The following FANCB variants were observed in gnomAD, a reference collection of about 807,000 sequenced individuals.
The protein encoded by FANCB is Fanconi anemia group B protein.
In FANCB, 5 loss-of-function variants were observed where a neutral mutation model predicts 38.9. The observed-to-expected ratio is 0.13, with a 90% CI of 0.07 to 0.27. The LOEUF is 0.27. Ranked by LOEUF, FANCB falls within the 10% of genes least tolerant of loss-of-function variation. The pLI, the probability that FANCB is intolerant of heterozygous loss-of-function variation, is 1.00. For synonymous variants in FANCB, 236 were observed against 215.4 expected (o/e 1.10, Z -0.84); for missense variants, 573 against 602.7 (o/e 0.95, Z 0.52).
At chrX:14,782,821 G>A in the FANCB span, among the ~76,000 whole-genome samples, 7 of 111,721 alleles carry the variant, frequency 6.3e-5, no homozygotes, top group Admixed American at 9.5e-5. Context: ...TGATTAGTCG[G>A]GGGGTCTTCT....
At chrX:14,738,740 A>T in the FANCB span, among the ~76,000 whole-genome samples, 65 of 112,330 alleles carry the variant, frequency 5.8e-4, no homozygotes, top group African/African-American at 1.9e-3. Flanking sequence ...CCCTAAACCG[A>T]TGCTACAAAC....
the FANCB span, among the ~76,000 whole-genome samples, chrX:14,812,013 T>C: frequency 4.4e-4 from 49 of 111,702 alleles, no homozygotes; most frequent in African/African-American, 1.4e-3. Flanking sequence ...AAGAAACTCA[T>C]TCCAAACCGC....
the FANCB span, among the ~76,000 whole-genome samples, chrX:14,710,402 T>A: frequency 8.9e-6 from 1 of 111,984 alleles, no homozygotes; most frequent in African/African-American, 3.2e-5. Flanking sequence ...AAGACAGGCC[T>A]CTGTGAACAC....
At position 14,844,760 on chromosome X, in the gene FANCB, C is replaced by A. The variant is rs780575945; in HGVS notation, c.1928-20G>T. ...TGTGCTCTACAAAAAAAGTCACAAGCTCTATCATTAAACTCTGCCCATTAT... is the reference window on the plus strand; with the variant it reads ...TGTGCTCTACAAAAAAAGTCACAAGATCTATCATTAAACTCTGCCCATTAT... On this transcript the variant is annotated intron_variant, in intron 8 of 9. Coordinates refer to ENST00000650831, the MANE Select transcript of FANCB (RefSeq NM_001018113.3). 1 of 1,170,789 alleles carries A rather than the reference C, an allele frequency of 8.5e-7. No individual in the cohort carries two copies. The highest frequency in any genetic ancestry group is 3.0e-5 in the East Asian group (1 of 33,711).
chrX:14,770,230 G>A, the FANCB span, among the ~76,000 whole-genome samples: 86 of 111,958 alleles, frequency 7.7e-4, no homozygotes, highest in East Asian at 0.02. Flanking sequence ...GTCCAATATT[G>A]TCAGTGGGGT....
chrX:14,805,839 C>A, the FANCB span, among the ~76,000 whole-genome samples: 1 of 111,790 alleles, frequency 8.9e-6, no homozygotes, highest in Non-Finnish European at 1.9e-5. Flanking sequence ...TGCTCTAATC[C>A]CATTCACTGC....
the FANCB span, among the ~76,000 whole-genome samples, chrX:14,698,882 C>T: frequency 2.7e-5 from 3 of 110,376 alleles, no homozygotes; most frequent in Non-Finnish European, 5.7e-5. Flanking sequence ...ATTGAGAGAA[C>T]ACCTGAGATT....
the FANCB span, among the ~76,000 whole-genome samples, chrX:14,778,511 T>C: frequency 8.9e-5 from 10 of 111,937 alleles, no homozygotes; most frequent in Non-Finnish European, 1.9e-4. Context: ...AATCATTCCA[T>C]TGTGTCATAT....
the FANCB span, among the ~76,000 whole-genome samples, chrX:14,794,092 T>G: frequency 1.2e-4 from 14 of 112,008 alleles, no homozygotes; most frequent in African/African-American, 4.2e-4. Flanking sequence ...GTGTCTTGTA[T>G]GTAAGCAGAT....
chrX:14,845,880 G>A (rs2092374776), intron 7 of FANCB, among the ~76,000 whole-genome samples: 1 of 111,302 alleles, frequency 9.0e-6, no homozygotes, highest in Admixed American at 9.6e-5. Context: ...GCTTACTGTA[G>A]CACATTCCAG....
the FANCB span, among the ~76,000 whole-genome samples, chrX:14,691,306 T>C: frequency 9.5e-6 from 1 of 104,943 alleles, no homozygotes; most frequent in African/African-American, 3.7e-5. Context: ...TGTGTGTGTG[T>C]GTGTGTGTGT....
At chrX:14,809,740 C>T in the FANCB span, among the ~76,000 whole-genome samples, 1 of 112,858 alleles carries the variant, frequency 8.9e-6, no homozygotes, top group Non-Finnish European at 1.9e-5. Context: ...GCAGGCTCCA[C>T]CTCTGGGGGC....
At chrX:14,832,176 A>G (rs139725597), downstream of FANCB, among the ~76,000 whole-genome samples, 412 of 112,147 alleles carry the variant, frequency 3.7e-3, 2 homozygotes, top group African/African-American at 0.013. Flanking sequence ...CTGGAGGCTA[A>G]AAGTCTGAAA....
At chrX:14,769,960 G>A in the FANCB span, among the ~76,000 whole-genome samples, 4 of 112,215 alleles carry the variant, frequency 3.6e-5, no homozygotes, top group Non-Finnish European at 5.6e-5. Context: ...TAGATGTGTC[G>A]TTTTGAGTAA....
At chrX:14,739,505 T>C in the FANCB span, among the ~76,000 whole-genome samples, 1 of 112,263 alleles carries the variant, frequency 8.9e-6, no homozygotes, top group Non-Finnish European at 1.9e-5. Flanking sequence ...GTACCACTGA[T>C]CCATGCTCAT....
At chrX:14,780,537 T>C in the FANCB span, among the ~76,000 whole-genome samples, 11 of 111,262 alleles carry the variant, frequency 9.9e-5, no homozygotes, top group East Asian at 1.9e-3. Context: ...CAGTCTATAC[T>C]TGATTAACAA....
chrX:14,844,401 T>C (rs1380568964), intron 9 of FANCB, 102 bp downstream of exon 9: 1 of 614,719 alleles, frequency 1.6e-6, no homozygotes, highest in Non-Finnish European at 2.8e-6. Context: ...ATTATTGCCA[T>C]GGCAATAATA....
At chrX:14,767,550 ATTTG>A in the FANCB span, among the ~76,000 whole-genome samples, 2 of 109,837 alleles carry the variant, frequency 1.8e-5, no homozygotes, top group African/African-American at 6.7e-5. Flanking sequence ...TTTCTTGCAA[ATTTG>A]TTTAAGTTCT....
chrX:14,856,869 G>A lies in FANCB; in HGVS notation c.1197+993C>T, dbSNP rs185193903. Among the ~76,000 whole-genome samples, 44 of 111,392 alleles carry A rather than the reference G, an allele frequency of 4.0e-4. 1 individual carries two copies. In the East Asian group the frequency reaches 0.011, roughly 27 times the overall value. ...TAAAAACTTTGATAGATTGGATCCT[G>A]GAAAAAACAGTTATAAAAACATTTT... is the stretch of plus-strand genomic sequence containing the variant. On this transcript the variant is annotated intron_variant, in intron 5 of 9. Coordinates refer to ENST00000650831, the MANE Select transcript of FANCB (RefSeq NM_001018113.3).
Sources: allele counts gnomAD v4.1 joint callset (sites outside exome capture counted in the v4.1 genomes callset), GRCh38; gene constraint gnomAD v4.1.1; transcripts MANE v1.5; gene names NCBI Gene and HGNC (gene_info 2026-07-23, HGNC 2026-07-21).